SLC25A21: variants seen among roughly 807,000 people sequenced by gnomAD.
SLC25A21 encodes the protein mitochondrial 2-oxodicarboxylate carrier.
Under a neutral mutation model 43.8 loss-of-function variants are expected in SLC25A21, and 47 were observed. The observed-to-expected ratio is 1.07, with a 90% CI of 0.85 to 1.37. The LOEUF is 1.37. SLC25A21 is among the 40% of genes most tolerant of loss of function. The pLI, the probability that SLC25A21 is intolerant of heterozygous loss-of-function variation, is 0.00. For missense variants in SLC25A21, 352 were observed against 350.2 expected, an observed-to-expected ratio of 1.00 and a Z score of -0.04; for synonymous variants, 131 against 121.3, an observed-to-expected ratio of 1.08 and a Z score of -0.52.
Position 37,080,519 on chromosome 14 carries a change from G to C in SLC25A21, c.70+91762C>G, listed in dbSNP as rs766100428. Among the ~76,000 whole-genome samples, 3 of 152,292 alleles carry C rather than the reference G, an allele frequency of 2.0e-5. No individual in the cohort carries two copies. The South Asian group carries it at 6.2e-4, about 32-fold the overall frequency. ...GGAGGCTGAGGTGGGAGGATCGCCTGAGCCCAGGAGGTCGAGACTGCAGTG... is the reference window on the plus strand; with the variant it reads ...GGAGGCTGAGGTGGGAGGATCGCCTCAGCCCAGGAGGTCGAGACTGCAGTG... On this transcript the variant is annotated intron_variant, in intron 1 of 9. Coordinates refer to ENST00000331299, the MANE Select transcript of SLC25A21 (RefSeq NM_030631.4).
intron 3 of SLC25A21, among the ~76,000 whole-genome samples, chr14:36,792,467 AGCTGTAACAT>A (rs1566618504): frequency 6.6e-6 from 1 of 152,166 alleles, no homozygotes; most frequent in African/African-American, 2.4e-5. Context: ...CACAGTCAAG[AGCTGTAACAT>A]ACCCCTCCCT....
intron 1 of SLC25A21, among the ~76,000 whole-genome samples, chr14:37,158,670 C>G: frequency 6.6e-6 from 1 of 152,092 alleles, no homozygotes; most frequent in East Asian, 1.9e-4. Flanking sequence ...AGAACCAGAA[C>G]ACTGGTTCTG....
At chr14:37,171,685 T>A (rs997154617) in intron 1 of SLC25A21, among the ~76,000 whole-genome samples, 1 of 152,202 alleles carries the variant, frequency 6.6e-6, no homozygotes, top group African/African-American at 2.4e-5. Flanking sequence ...TAAAGGTTTA[T>A]TTTTTCCCCA....
chr14:37,025,359 G>C (rs961187381), intron 1 of SLC25A21, among the ~76,000 whole-genome samples: 1 of 152,140 alleles, frequency 6.6e-6, no homozygotes, highest in African/African-American at 2.4e-5. Context: ...GGGAACTACA[G>C]AGTAACACAC....
intron 1 of SLC25A21, among the ~76,000 whole-genome samples, chr14:36,923,010 C>A (rs1032777617): frequency 2.0e-5 from 3 of 151,756 alleles, no homozygotes; most frequent in Admixed American, 6.6e-5. Context: ...AAAAACAGAC[C>A]CAGAAATGAC....
chr14:37,046,424 G>A (rs1431960282), intron 1 of SLC25A21, among the ~76,000 whole-genome samples: 7 of 152,170 alleles, frequency 4.6e-5, no homozygotes, highest in South Asian at 2.1e-4. Flanking sequence ...AGCTGGGCAG[G>A]GAAAGGATTA....
At chr14:37,039,520 T>C (rs373053258) in intron 1 of SLC25A21, among the ~76,000 whole-genome samples, 5 of 152,342 alleles carry the variant, frequency 3.3e-5, no homozygotes, top group Non-Finnish European at 5.9e-5. Context: ...TAATACAGTA[T>C]ATACTTTTTT....
At chr14:37,104,700 T>A (rs1251660814) in intron 1 of SLC25A21, among the ~76,000 whole-genome samples, 2 of 152,184 alleles carry the variant, frequency 1.3e-5, no homozygotes, top group East Asian at 1.9e-4. Flanking sequence ...TTTTTACAGA[T>A]AATGAAACTA....
chr14:36,841,836 TGA>T (rs1439564299), intron 2 of SLC25A21, among the ~76,000 whole-genome samples: 61 of 152,366 alleles, frequency 4.0e-4, no homozygotes, highest in Non-Finnish European at 7.5e-4. Flanking sequence ...TGCAGGCAAG[TGA>T]GGCCAAGGCA....
At chr14:37,031,620 C>A (rs766058284) in intron 1 of SLC25A21, among the ~76,000 whole-genome samples, 1 of 152,058 alleles carries the variant, frequency 6.6e-6, no homozygotes, top group African/African-American at 2.4e-5. Context: ...ATACTGGTAA[C>A]CATATCGAAA....
intron 2 of SLC25A21, among the ~76,000 whole-genome samples, chr14:36,833,065 C>A (rs974991658): frequency 1.3e-5 from 2 of 152,084 alleles, no homozygotes; most frequent in African/African-American, 4.8e-5. Flanking sequence ...AAGTGCATAG[C>A]AAGCTATATC....
chr14:37,152,037 A>AAAT (rs1043330386), intron 1 of SLC25A21, among the ~76,000 whole-genome samples: 4 of 152,150 alleles, frequency 2.6e-5, no homozygotes, highest in African/African-American at 9.6e-5. Context: ...CCCATCTCAA[A>AAAT]AATAATAATA....
intron 1 of SLC25A21, among the ~76,000 whole-genome samples, chr14:37,044,709 T>G (rs966409546): frequency 2.0e-5 from 3 of 152,184 alleles, no homozygotes; most frequent in African/African-American, 7.2e-5. Flanking sequence ...AAGAAAGAGT[T>G]CAGGCTTGTG....
At chr14:36,936,484 T>C (rs1892427556) in intron 1 of SLC25A21, among the ~76,000 whole-genome samples, 1 of 152,192 alleles carries the variant, frequency 6.6e-6, no homozygotes, top group Non-Finnish European at 1.5e-5. Context: ...ACTAACAACT[T>C]TTCCATGTTT....
intron 1 of SLC25A21, among the ~76,000 whole-genome samples, chr14:36,983,314 C>T (rs1566791034): frequency 1.3e-5 from 2 of 152,132 alleles, no homozygotes; most frequent in Admixed American, 6.6e-5. Context: ...GAATCATAGT[C>T]TTTCTGTTAT....
At chr14:37,071,961 C>T (rs1056888863) in intron 1 of SLC25A21, among the ~76,000 whole-genome samples, 5 of 151,724 alleles carry the variant, frequency 3.3e-5, no homozygotes, top group Non-Finnish European at 5.9e-5. Context: ...GTGGGTGGAT[C>T]ACCTGAGGTC....
chr14:36,776,985 C>T (rs748935972), intron 3 of SLC25A21, among the ~76,000 whole-genome samples: 2 of 152,152 alleles, frequency 1.3e-5, no homozygotes, highest in Non-Finnish European at 2.9e-5. Flanking sequence ...TAAGGCTGGG[C>T]GCAGTGGCTC....
At chr14:36,986,832 G>A (rs890042411) in intron 1 of SLC25A21, among the ~76,000 whole-genome samples, 6 of 152,116 alleles carry the variant, frequency 3.9e-5, no homozygotes, top group African/African-American at 1.2e-4. Context: ...ATCCCAAGAA[G>A]GCTTTGAATA....
At chr14:37,029,826 A>G (rs1961171991) in intron 1 of SLC25A21, among the ~76,000 whole-genome samples, 1 of 143,244 alleles carries the variant, frequency 7.0e-6, no homozygotes, top group Non-Finnish European at 1.5e-5. Context: ...GTGCAATGGC[A>G]TGACCTCGGC....
Sources: gnomAD v4.1 joint callset for allele counts (sites outside exome capture counted in the v4.1 genomes callset) on GRCh38, gnomAD v4.1.1 for gene constraint, MANE v1.5 for transcripts, NCBI Gene and HGNC (gene_info 2026-07-23, HGNC 2026-07-21) for gene names.